Variants in SLC1A1 observed in about 807,000 individuals in gnomAD.
The protein encoded by SLC1A1 is solute carrier family 1 member 1.
A neutral mutation model predicts 53.3 loss-of-function variants in SLC1A1; 43 were observed. The ratio of observed to expected loss-of-function variants is 0.81; its 90% CI spans 0.63 to 1.04. The LOEUF (loss-of-function observed/expected upper bound fraction) is 1.04. Among genes scored for constraint, SLC1A1 ranks in the 50% least tolerant of loss-of-function variants. The probability of loss-of-function intolerance (pLI) is 0.00; values close to 1 mark genes in which losing one functional copy is unlikely to be tolerated. For missense variants in SLC1A1, 748 were observed against 664.9 expected (o/e 1.12, Z -1.37); for synonymous variants, 307 against 243.2 (o/e 1.26, Z -2.44).
chr9:4,509,392 AG>A (rs1202561118), intron 1 of SLC1A1, among the ~76,000 whole-genome samples: 1 of 152,046 alleles, frequency 6.6e-6, no homozygotes, highest in African/African-American at 2.4e-5. Flanking sequence ...AGGGATGGTG[AG>A]GCACCCAGGG....
At chr9:4,503,680 A>G (rs1313500397) in intron 1 of SLC1A1, among the ~76,000 whole-genome samples, 1 of 151,858 alleles carries the variant, frequency 6.6e-6, no homozygotes, top group Non-Finnish European at 1.5e-5. Context: ...TATTACATGG[A>G]ACTATAATTT....
chr9:4,530,527 C>A (rs1816429471), intron 1 of SLC1A1, among the ~76,000 whole-genome samples: 1 of 152,098 alleles, frequency 6.6e-6, no homozygotes, highest in Non-Finnish European at 1.5e-5. Flanking sequence ...CTAGAGAAAC[C>A]CATTAGACCT....
At chr9:4,524,599 G>A (rs1004093870) in intron 1 of SLC1A1, among the ~76,000 whole-genome samples, 1 of 152,210 alleles carries the variant, frequency 6.6e-6, no homozygotes, top group African/African-American at 2.4e-5. Flanking sequence ...TCACAGCTCT[G>A]TAAGTTGGGA....
chr9:4,495,121 G>A (rs958972173), intron 1 of SLC1A1, among the ~76,000 whole-genome samples: 1 of 152,134 alleles, frequency 6.6e-6, no homozygotes. Flanking sequence ...CTCATGTAGC[G>A]TGCATCTGGC....
At chr9:4,543,513 C>T (rs371795612) in intron 1 of SLC1A1, among the ~76,000 whole-genome samples, 5 of 152,272 alleles carry the variant, frequency 3.3e-5, no homozygotes, top group East Asian at 3.9e-4. Context: ...GTTATCCATA[C>T]AACTGAAGGA....
intron 6 of SLC1A1, among the ~76,000 whole-genome samples, chr9:4,569,604 G>A (rs1819833899): frequency 6.6e-6 from 1 of 152,222 alleles, no homozygotes; most frequent in African/African-American, 2.4e-5. Context: ...GATTTAAGGA[G>A]AAAAGGAGTG....
chr9:4,515,188 C>G (rs2130820312), intron 1 of SLC1A1, among the ~76,000 whole-genome samples: 1 of 152,194 alleles, frequency 6.6e-6, no homozygotes, highest in Middle Eastern at 3.4e-3. Flanking sequence ...GAAAACTAAT[C>G]AGATGCTGGC....
intron 10 of SLC1A1, among the ~76,000 whole-genome samples, chr9:4,577,876 G>C (rs1488507462): frequency 6.6e-6 from 1 of 152,216 alleles, no homozygotes; most frequent in Non-Finnish European, 1.5e-5. Flanking sequence ...CAGAAGTCCA[G>C]GCAGGGTATT....
chr9:4,538,847 T>G (rs1464691375), intron 1 of SLC1A1, among the ~76,000 whole-genome samples: 1 of 152,160 alleles, frequency 6.6e-6, no homozygotes, highest in African/African-American at 2.4e-5. Context: ...TATCCGTCTA[T>G]TTATCCACTG....
At chr9:4,550,561 T>C (rs1222043160) in intron 2 of SLC1A1, among the ~76,000 whole-genome samples, 1 of 152,166 alleles carries the variant, frequency 6.6e-6, no homozygotes, top group African/African-American at 2.4e-5. Flanking sequence ...GCCTGGCTAA[T>C]TCTTACTTTT....
In SLC1A1 at chr9:4,522,721, G is replaced by C. The variant is rs527352158; in HGVS notation, c.92-21846G>C. On this transcript the variant is annotated intron_variant, in intron 1 of 11. Transcript: ENST00000262352. ...CAAGGCAGCAGGAGAGAGAGTGTGAGCGTGTGAAGGAGGAACTGTCAAACA... is the reference window on the plus strand; with the variant it reads ...CAAGGCAGCAGGAGAGAGAGTGTGACCGTGTGAAGGAGGAACTGTCAAACA... 3.9e-5 allele frequency among the ~76,000 whole-genome samples: 6 copies of C among 152,286 alleles called. No individual in the cohort carries two copies. In the South Asian group the frequency reaches 1.2e-3, roughly 32 times the overall value.
intron 1 of SLC1A1, among the ~76,000 whole-genome samples, chr9:4,507,685 T>C (rs1373438667): frequency 6.6e-6 from 1 of 152,096 alleles, no homozygotes; most frequent in East Asian, 1.9e-4. Context: ...CTGAAGAATG[T>C]TGTGGAGACC....
chr9:4,551,288 A>G (rs1045001188), intron 2 of SLC1A1, among the ~76,000 whole-genome samples: 1 of 152,134 alleles, frequency 6.6e-6, no homozygotes, highest in African/African-American at 2.4e-5. Flanking sequence ...ACATCCTCCT[A>G]TGAAAAGAAC....
chr9:4,513,875 C>T (rs1821074438), intron 1 of SLC1A1, among the ~76,000 whole-genome samples: 1 of 152,210 alleles, frequency 6.6e-6, no homozygotes, highest in Non-Finnish European at 1.5e-5. Flanking sequence ...AGGAACATAC[C>T]ATTGATACGT....
chr9:4,528,500 C>G (rs1180054031), intron 1 of SLC1A1, among the ~76,000 whole-genome samples: 5 of 152,036 alleles, frequency 3.3e-5, no homozygotes, highest in Non-Finnish European at 1.5e-5. Flanking sequence ...GGCGTGAACC[C>G]GGGAGGCGGA....
intron 1 of SLC1A1, among the ~76,000 whole-genome samples, chr9:4,530,659 T>A (rs185185441): frequency 1.4e-4 from 22 of 152,330 alleles, no homozygotes; most frequent in Admixed American, 1.3e-3. Context: ...CAAACCACAT[T>A]TCCTGTTGAT....
At chr9:4,540,793 G>A (rs952379899) in intron 1 of SLC1A1, among the ~76,000 whole-genome samples, 1 of 152,198 alleles carries the variant, frequency 6.6e-6, no homozygotes, top group African/African-American at 2.4e-5. Flanking sequence ...CAAAAGCACA[G>A]GCAGCTTTCT....
intron 1 of SLC1A1, among the ~76,000 whole-genome samples, chr9:4,501,802 C>T (rs1474463340): frequency 3.3e-5 from 5 of 150,724 alleles, no homozygotes; most frequent in Non-Finnish European, 7.4e-5. Flanking sequence ...AAGAAAACTA[C>T]AGCACTTACT....
chr9:4,504,849 A>G (rs1479920053), intron 1 of SLC1A1, among the ~76,000 whole-genome samples: 1 of 152,190 alleles, frequency 6.6e-6, no homozygotes, highest in Non-Finnish European at 1.5e-5. Flanking sequence ...GATTTTCTAA[A>G]TTAGACATCT....
Sources: gnomAD v4.1 joint callset for allele counts (sites outside exome capture counted in the v4.1 genomes callset) on GRCh38, gnomAD v4.1.1 for gene constraint, MANE v1.5 for transcripts, NCBI Gene and HGNC (gene_info 2026-07-23, HGNC 2026-07-21) for gene names.